Variants in PPP2R3A observed in about 807,000 individuals in gnomAD.
The protein encoded by PPP2R3A is protein phosphatase 2 regulatory subunit B''alpha.
PPP2R3A carries 80 observed loss-of-function variants against 106.9 expected under a neutral mutation model. The observed-to-expected ratio is 0.75, with a 90% confidence interval of 0.62 to 0.90. The LOEUF (loss-of-function observed/expected upper bound fraction) is 0.90, where lower values mean the gene tolerates loss of function less well. Ranked by LOEUF, PPP2R3A falls within the 40% of genes least tolerant of loss-of-function variation. The pLI, the probability that PPP2R3A is intolerant of heterozygous loss-of-function variation, is 0.00. For missense variants in PPP2R3A, 1,386 were observed against 1,350.4 expected, an observed-to-expected ratio of 1.03 and a Z score of -0.41; for synonymous variants, 483 against 468.3, an observed-to-expected ratio of 1.03 and a Z score of -0.41.
At chr3:136,052,278 G>A (rs1335310867) in intron 5 of PPP2R3A, among the ~76,000 whole-genome samples, 3 of 152,174 alleles carry the variant, frequency 2.0e-5, no homozygotes, top group Non-Finnish European at 4.4e-5. Flanking sequence ...GATCTGGGCA[G>A]TGGGAAGCAT....
intron 9 of PPP2R3A, among the ~76,000 whole-genome samples, chr3:136,088,551 A>G (rs554181393): frequency 1.3e-5 from 2 of 152,328 alleles, no homozygotes; most frequent in East Asian, 1.9e-4. Context: ...AGTGCTGGAT[A>G]AACATACAAG....
In PPP2R3A at chr3:136,049,269, A is replaced by G; in HGVS notation, c.2377A>G (p.Asn793Asp). 6.2e-7 allele frequency: 1 copy of G among 1,611,982 alleles called. No individual in the cohort carries two copies. The highest frequency in any genetic ancestry group is 8.5e-7 in the Non-Finnish European group (1 of 1,178,712). Residue 793 changes from asparagine (N) to aspartate (D), a missense_variant, in exon 5 of 14, where the codon AAC becomes GAC. By Grantham distance (23) the Asn-to-Asp change is conservative. Coordinates refer to ENST00000264977, the MANE Select transcript of PPP2R3A (RefSeq NM_002718.5). The stretch of plus-strand genomic sequence containing the variant: ...TTGTTTCTTTTATAGGTTGCTGAAT[A>G]ACCATCATGATGATGCCTCTAAATT... ...FIAMWRKLLNNHHDDASKFIC... is the reference protein window; with the variant it reads ...FIAMWRKLLNDHHDDASKFIC...
intron 4 of PPP2R3A, among the ~76,000 whole-genome samples, 167 bp downstream of exon 4, chr3:136,041,129 C>G (rs1376691298): frequency 6.6e-6 from 1 of 151,736 alleles, no homozygotes; most frequent in South Asian, 2.1e-4. Flanking sequence ...CATACAAGTT[C>G]TTTGCCACAA....
chr3:136,054,356 T>C (rs1404753683), intron 5 of PPP2R3A, among the ~76,000 whole-genome samples: 1 of 149,664 alleles, frequency 6.7e-6, no homozygotes, highest in Non-Finnish European at 1.5e-5. Context: ...CCTCCCGGGT[T>C]CAAGCAATTC....
chr3:136,067,962 T>C (rs1276770714), intron 5 of PPP2R3A, among the ~76,000 whole-genome samples: 2 of 152,200 alleles, frequency 1.3e-5, no homozygotes, highest in African/African-American at 4.8e-5. Flanking sequence ...GCCAGGCTCA[T>C]GCCTGTGATC....
chr3:136,107,306 G>A (rs1476055577), intron 13 of PPP2R3A, among the ~76,000 whole-genome samples: 1 of 151,798 alleles, frequency 6.6e-6, no homozygotes, highest in African/African-American at 2.4e-5. Context: ...AAAAGAAATA[G>A]TAAAAAGTTT....
In PPP2R3A at chr3:136,051,373, A is replaced by G. The variant is rs558785664; in HGVS notation, c.2469+2012A>G. On this transcript the variant is annotated intron_variant, in intron 5 of 13. Transcript: ENST00000264977. Reference sequence around the variant, plus strand: ...AGACGGAGTCTCGCTCTTGTCGCCCAGGCTGGAGTGCAATGGTGCGATCTT... The same window carrying G: ...AGACGGAGTCTCGCTCTTGTCGCCCGGGCTGGAGTGCAATGGTGCGATCTT... 9.8e-5 allele frequency among the ~76,000 whole-genome samples: 15 copies of G among 152,324 alleles called. No homozygotes were observed. The South Asian group carries it at 3.1e-3, about 32-fold the overall frequency.
chr3:136,071,374 A>G (rs184100843), intron 6 of PPP2R3A, among the ~76,000 whole-genome samples: 20 of 152,254 alleles, frequency 1.3e-4, no homozygotes, highest in African/African-American at 4.8e-4. Flanking sequence ...TAGGAACTTT[A>G]TTTTTCATTC....
chr3:136,043,209 C>G (rs1162982906), intron 4 of PPP2R3A, among the ~76,000 whole-genome samples: 2 of 151,940 alleles, frequency 1.3e-5, no homozygotes, highest in African/African-American at 4.8e-5. Context: ...CCTGTAATCC[C>G]AGCACTCTGG....
intron 2 of PPP2R3A, chr3:136,023,068 AGAT>A (rs755177831): frequency 1.2e-6 from 2 of 1,612,932 alleles, no homozygotes; most frequent in Non-Finnish European, 1.7e-6. Context: ...TACTTTTCAA[AGAT>A]GATGATCAAG....
chr3:136,027,191 A>G (rs1934698206), intron 3 of PPP2R3A, 93 bp downstream of exon 3: 2 of 1,156,010 alleles, frequency 1.7e-6, no homozygotes, highest in African/African-American at 1.6e-5. Flanking sequence ...ACCCCCCTTC[A>G]CTGCCTCTTT....
At chr3:135,997,515 C>T (rs76645967) in intron 1 of PPP2R3A, among the ~76,000 whole-genome samples, 3,523 of 152,278 alleles carry the variant, frequency 0.023, 153 homozygotes, top group African/African-American at 0.079. Context: ...AGTAAATTCT[C>T]AGAGCTGCGT....
At chr3:135,970,603 A>C (rs917723197) in intron 1 of PPP2R3A, among the ~76,000 whole-genome samples, 1 of 152,206 alleles carries the variant, frequency 6.6e-6, no homozygotes, top group African/African-American at 2.4e-5. Context: ...AGCAAGAACC[A>C]TTTTAGATTG....
intron 13 of PPP2R3A, among the ~76,000 whole-genome samples, chr3:136,123,955 G>T (rs1442131862): frequency 1.3e-5 from 2 of 152,100 alleles, no homozygotes; most frequent in Non-Finnish European, 2.9e-5. Flanking sequence ...GTTTCATCCA[G>T]GTGTACACAG....
rs1933612983 is a variant in PPP2R3A at position 136,001,283 on chromosome 3, ATTAAATTT to A, written c.-215_-208del. 3 of 471,390 alleles carry A rather than the reference ATTAAATTT, an allele frequency of 6.4e-6. No homozygotes were observed. In the South Asian group the frequency reaches 1.6e-4, roughly 26 times the overall value. The allele number at this position is 471,390 out of a possible 1,614,324, so 29.2% of individuals were successfully genotyped here. A position where few individuals can be genotyped will look rare whatever the true frequency, so the allele number is the denominator to read the frequency against. ...AATTAAAAAGCACAATTATTAAATT[ATTAAATTT>A]GCCACACATGTGCAGCAGCTACTGT... On this transcript the variant is annotated 5_prime_UTR_variant, in exon 2 of 14. Coordinates refer to ENST00000264977, the MANE Select transcript of PPP2R3A (RefSeq NM_002718.5).
intron 2 of PPP2R3A, among the ~76,000 whole-genome samples, chr3:136,017,934 A>G (rs1292232560): frequency 6.6e-6 from 1 of 152,192 alleles, no homozygotes; most frequent in African/African-American, 2.4e-5. Flanking sequence ...AACCACATTC[A>G]GCTGAGACTG....
At chr3:135,975,350 C>CA (rs1224950676) in intron 1 of PPP2R3A, among the ~76,000 whole-genome samples, 1 of 152,140 alleles carries the variant, frequency 6.6e-6, no homozygotes, top group East Asian at 1.9e-4. Flanking sequence ...CAGTGTTTCT[C>CA]AGCCTTTGTC....
chr3:136,050,075 C>G (rs767418755), intron 5 of PPP2R3A, among the ~76,000 whole-genome samples: 49 of 152,080 alleles, frequency 3.2e-4, no homozygotes, highest in African/African-American at 9.2e-4. Flanking sequence ...GGCAGTAGTC[C>G]CAATCCCATT....
At chr3:136,101,883 TA>T in intron 10 of PPP2R3A, 123 bp from the exon 11 acceptor site, 1 of 1,073,310 alleles carries the variant, frequency 9.3e-7, no homozygotes, top group Non-Finnish European at 1.3e-6. Flanking sequence ...ACAAACTTTG[TA>T]AAACTATATC....
Sources: gnomAD v4.1 joint callset for allele counts (sites outside exome capture counted in the v4.1 genomes callset) on GRCh38, gnomAD v4.1.1 for gene constraint, MANE v1.5 for transcripts, NCBI Gene and HGNC (gene_info 2026-07-23, HGNC 2026-07-21) for gene names.